Variants in LRRC4C observed in about 807,000 individuals in gnomAD.
LRRC4C encodes leucine-rich repeat-containing protein 4C.
LRRC4C carries 5 observed loss-of-function variants against 33.6 expected under a neutral mutation model. The ratio of observed to expected loss-of-function variants is 0.15; its 90% CI spans 0.08 to 0.31. The LOEUF is 0.31. Ranked by LOEUF, LRRC4C falls within the 10% of genes least tolerant of loss-of-function variation. The pLI is 1.00. For missense variants in LRRC4C, 560 were observed against 796.7 expected, an observed-to-expected ratio of 0.70 and a Z score of 3.58; for synonymous variants, 329 against 302.0, an observed-to-expected ratio of 1.09 and a Z score of -0.93.
rs140833765 is a variant in LRRC4C at position 40,154,554 on chromosome 11, T to C, written c.-95-13701A>G. ...CACCAAAAGTGAGCCAGGGTAGTTATTCCTATAGCAGACAAAACAAACTTT... is the reference window on the plus strand; with the variant it reads ...CACCAAAAGTGAGCCAGGGTAGTTACTCCTATAGCAGACAAAACAAACTTT... On this transcript the variant is annotated intron_variant, in intron 5 of 6. Coordinates refer to ENST00000528697, the MANE Select transcript of LRRC4C (RefSeq NM_001258419.2). Among the ~76,000 whole-genome samples, 832 of 152,268 alleles carry C rather than the reference T, an allele frequency of 5.5e-3. 27 individuals are homozygous for C. The highest frequency in any genetic ancestry group is 0.048 in the Admixed American group (739 of 15,286).
intron 1 of LRRC4C, among the ~76,000 whole-genome samples, chr11:41,074,737 T>C (rs1938977107): frequency 1.3e-5 from 2 of 152,178 alleles, no homozygotes; most frequent in Admixed American, 6.5e-5. Context: ...CCTTGAAAAC[T>C]CTGCAATTTA....
intron 3 of LRRC4C, among the ~76,000 whole-genome samples, chr11:40,376,448 C>T (rs1400797543): frequency 6.6e-6 from 1 of 152,062 alleles, no homozygotes; most frequent in African/African-American, 2.4e-5. Context: ...ACTTGAGAAA[C>T]CAGAGAGAAA....
At chr11:40,673,344 G>A (rs763994537) in intron 2 of LRRC4C, among the ~76,000 whole-genome samples, 1 of 151,942 alleles carries the variant, frequency 6.6e-6, no homozygotes, top group Non-Finnish European at 1.5e-5. Flanking sequence ...ACAATGTATG[G>A]CCATCAAACA....
chr11:40,479,175 G>A (rs2138382825), intron 3 of LRRC4C, among the ~76,000 whole-genome samples: 1 of 152,120 alleles, frequency 6.6e-6, no homozygotes, highest in African/African-American at 2.4e-5. Context: ...AGAGTCTGTT[G>A]TTTCTAAAAC....
chr11:41,187,319 G>A (rs891961447), intron 1 of LRRC4C, among the ~76,000 whole-genome samples: 12 of 152,186 alleles, frequency 7.9e-5, no homozygotes, highest in African/African-American at 2.9e-4. Flanking sequence ...GTGTCTGGAC[G>A]TTGAGAAGAA....
intron 5 of LRRC4C, among the ~76,000 whole-genome samples, chr11:40,143,545 G>A (rs184025175): frequency 3.9e-5 from 6 of 152,126 alleles, no homozygotes; most frequent in Admixed American, 6.5e-5. Context: ...TGCCTGGAAT[G>A]CCCTTCACCC....
intron 1 of LRRC4C, among the ~76,000 whole-genome samples, chr11:41,287,697 G>A (rs1008935492): frequency 6.6e-6 from 1 of 152,056 alleles, no homozygotes; most frequent in African/African-American, 2.4e-5. Flanking sequence ...TTGTGAAACC[G>A]CTTATAAAAT....
intron 2 of LRRC4C, among the ~76,000 whole-genome samples, chr11:40,915,907 A>C (rs949077187): frequency 6.6e-6 from 1 of 152,238 alleles, no homozygotes; most frequent in African/African-American, 2.4e-5. Context: ...GACACTTCTC[A>C]AAAGAAGACA....
intron 2 of LRRC4C, among the ~76,000 whole-genome samples, chr11:40,775,846 C>A (rs1337290669): frequency 6.6e-6 from 1 of 152,102 alleles, no homozygotes; most frequent in Non-Finnish European, 1.5e-5. Context: ...ACATTATTAT[C>A]TTGTACCCAT....
At chr11:40,677,811 A>G (rs1050286527) in intron 2 of LRRC4C, among the ~76,000 whole-genome samples, 4 of 152,200 alleles carry the variant, frequency 2.6e-5, no homozygotes, top group African/African-American at 7.2e-5. Context: ...GGGTGATTAC[A>G]AGGACATCTC....
chr11:40,469,449 G>A (rs1280815171), intron 3 of LRRC4C, among the ~76,000 whole-genome samples: 1 of 152,058 alleles, frequency 6.6e-6, no homozygotes, highest in Non-Finnish European at 1.5e-5. Context: ...CACCAAACTG[G>A]GCAGCCATTT....
At chr11:40,559,374 G>A (rs1436298913) in intron 3 of LRRC4C, among the ~76,000 whole-genome samples, 1 of 151,880 alleles carries the variant, frequency 6.6e-6, no homozygotes, top group Non-Finnish European at 1.5e-5. Flanking sequence ...TGGTAGAGAC[G>A]GGGTTTTGCC....
chr11:40,115,187 A>T lies in LRRC4C; in HGVS notation c.1106T>A (p.Met369Lys). 3 of 1,614,226 alleles carry T rather than the reference A, an allele frequency of 1.9e-6. No homozygotes were observed. Among genetic ancestry groups the T allele is most frequent in the Non-Finnish European group, 2.5e-6 (3 of 1,180,040 alleles). Residue 369 changes from methionine to lysine, a missense_variant, in exon 7 of 7, where the codon ATG becomes AAG. By Grantham distance (95) the Met-to-Lys change is moderately conservative. Transcript: ENST00000528697. This position sits in a 1 kb window ranked among gnomAD's most constrained non-coding sequence, Gnocchi z 6.7. ...GGCCCGACATTTCAGCTCAGCTGCCATGCCTTCAGTGACATTGAGGTCTGC... is the reference window on the plus strand; with the variant it reads ...GGCCCGACATTTCAGCTCAGCTGCCTTGCCTTCAGTGACATTGAGGTCTGC... ...PPADLNVTEGMAAELKCRAST... is the reference protein window; with the variant it reads ...PPADLNVTEGKAAELKCRAST...
chr11:41,301,213 GC>G (rs1326481595), intron 1 of LRRC4C, among the ~76,000 whole-genome samples: 4 of 152,144 alleles, frequency 2.6e-5, no homozygotes. Flanking sequence ...CTTGCCAAGT[GC>G]TGATTGTACT....
At chr11:40,123,756 A>C (rs1856000373) in intron 6 of LRRC4C, among the ~76,000 whole-genome samples, 1 of 152,166 alleles carries the variant, frequency 6.6e-6, no homozygotes, top group Non-Finnish European at 1.5e-5. Flanking sequence ...TGTATATGAG[A>C]CCACAAAAGA....
intron 3 of LRRC4C, among the ~76,000 whole-genome samples, chr11:40,545,973 T>C (rs1315607756): frequency 1.3e-5 from 2 of 152,036 alleles, no homozygotes; most frequent in Non-Finnish European, 2.9e-5. Context: ...TCTATACTAA[T>C]AGCCCTCTTG....
chr11:40,633,325 T>TTTTCTTTCTCTTTCTTTC (rs1963632593), intron 3 of LRRC4C, among the ~76,000 whole-genome samples: 1 of 112,246 alleles, frequency 8.9e-6, no homozygotes, highest in African/African-American at 3.0e-5. Flanking sequence ...CAAGTTTTCT[T>TTTTCTTTCTCTTTCTTTC]TTTCTTTCTT....
rs546819163 is a variant in LRRC4C at position 40,525,361 on chromosome 11, G to A, written c.-270+122781C>T. 3.9e-5 allele frequency among the ~76,000 whole-genome samples: 6 copies of A among 152,136 alleles called. No individual in the cohort carries two copies. In the East Asian group the frequency reaches 5.8e-4, roughly 15 times the overall value. Reference sequence around the variant, plus strand: ...TTCGGGAGGCTGAGGCAGGAGAATCGCTTGAACCCAGGAGGCAGAGGTTGC... The same window carrying A: ...TTCGGGAGGCTGAGGCAGGAGAATCACTTGAACCCAGGAGGCAGAGGTTGC... On this transcript the variant is annotated intron_variant, in intron 3 of 6. Transcript: ENST00000528697.
chr11:40,781,479 T>A (rs1028649920), intron 2 of LRRC4C, among the ~76,000 whole-genome samples: 1 of 152,114 alleles, frequency 6.6e-6, no homozygotes, highest in African/African-American at 2.4e-5. Context: ...TTAACGTAGG[T>A]TTGGGCCAGC....
Sources: allele counts gnomAD v4.1 joint callset (sites outside exome capture counted in the v4.1 genomes callset), GRCh38; gene constraint gnomAD v4.1.1; non-coding constraint Gnocchi (gnomAD v3.1); transcripts MANE v1.5; gene names NCBI Gene and HGNC (gene_info 2026-07-23, HGNC 2026-07-21).